The following CSMD1 variants were observed in gnomAD, a reference collection of about 807,000 sequenced individuals.
CSMD1 encodes the protein CUB and Sushi multiple domains 1, also known as CUB and sushi domain-containing protein 1.
CSMD1 carries 213 observed loss-of-function variants against 417.5 expected under a neutral mutation model. The ratio of observed to expected loss-of-function variants is 0.51; its 90% CI spans 0.46 to 0.57. CSMD1 has a LOEUF of 0.57. CSMD1 is among the 20% of genes least tolerant of loss of function. CSMD1 has a pLI of 0.00. For missense variants in CSMD1, 6,923 were observed against 4,529.7 expected (o/e 1.53, Z -15.17); for synonymous variants, 2,862 against 1,736.8 (o/e 1.65, Z -16.11).
chr8:4,265,726 C>T (rs1185709407), intron 3 of CSMD1, among the ~76,000 whole-genome samples: 2 of 104,504 alleles, frequency 1.9e-5, no homozygotes, highest in African/African-American at 5.2e-5. Flanking sequence ...ACAGTTAATG[C>T]AACATAAAAT....
intron 1 of CSMD1, among the ~76,000 whole-genome samples, chr8:4,895,745 T>C (rs1296499137): frequency 6.6e-6 from 1 of 151,946 alleles, no homozygotes; most frequent in Admixed American, 6.6e-5. Context: ...ATTTTTCTAG[T>C]AATTAACCAA....
intron 3 of CSMD1, among the ~76,000 whole-genome samples, chr8:4,288,483 G>A (rs182393154): frequency 2.6e-4 from 39 of 152,276 alleles, no homozygotes; most frequent in Admixed American, 2.2e-3. Context: ...ATGAGGCTAT[G>A]GGTAATCCCA....
At chr8:4,535,142 C>T (rs1317002356) in intron 2 of CSMD1, among the ~76,000 whole-genome samples, 1 of 152,166 alleles carries the variant, frequency 6.6e-6, no homozygotes, top group Non-Finnish European at 1.5e-5. Context: ...CCATATATAA[C>T]AACTTTGAAA....
At chr8:3,128,502 T>G (rs1817628168) in intron 41 of CSMD1, 1 of 225,516 alleles carries the variant, frequency 4.4e-6, no homozygotes, top group South Asian at 6.0e-5. Flanking sequence ...TCTGTATGAT[T>G]TATGCATCTT....
intron 3 of CSMD1, among the ~76,000 whole-genome samples, chr8:4,403,540 G>C (rs1462929626): frequency 6.6e-6 from 1 of 151,986 alleles, no homozygotes; most frequent in African/African-American, 2.4e-5. Context: ...CATTCGCCAG[G>C]GCTGATCACC....
At chr8:4,074,161 C>A (rs1424765307) in intron 3 of CSMD1, among the ~76,000 whole-genome samples, 1 of 151,946 alleles carries the variant, frequency 6.6e-6, no homozygotes, top group Non-Finnish European at 1.5e-5. Context: ...ACATATAATG[C>A]ATAACTTGTA....
At chr8:3,702,778 G>C (rs1800941978) in intron 7 of CSMD1, among the ~76,000 whole-genome samples, 2 of 152,174 alleles carry the variant, frequency 1.3e-5, no homozygotes, top group Non-Finnish European at 1.5e-5. Flanking sequence ...GTTGCAGTTA[G>C]CTGAGATCGC....
At chr8:3,675,089 C>T (rs997210830) in intron 7 of CSMD1, among the ~76,000 whole-genome samples, 1 of 152,180 alleles carries the variant, frequency 6.6e-6, no homozygotes, top group Admixed American at 6.5e-5. Flanking sequence ...GACCATAAAA[C>T]GCCATCTTGA....
intron 8 of CSMD1, among the ~76,000 whole-genome samples, chr8:3,603,418 T>A (rs972099983): frequency 2.0e-5 from 3 of 152,166 alleles, no homozygotes; most frequent in African/African-American, 7.2e-5. Flanking sequence ...GCTTGCGAGC[T>A]AAAGCCTCCT....
intron 1 of CSMD1, among the ~76,000 whole-genome samples, chr8:4,891,676 C>A (rs2117003093): frequency 6.6e-6 from 1 of 152,102 alleles, no homozygotes; most frequent in South Asian, 2.1e-4. Flanking sequence ...ATGTATTTAT[C>A]CTAAGGGCTT....
rs190001357 is a variant in CSMD1, at chr8:4,448,426, T to C, written c.303-28361A>G. Among the ~76,000 whole-genome samples the C allele has an allele frequency of 2.6e-3, 398 of 152,310 alleles. 1 individual carries two copies. Among genetic ancestry groups the C allele is most frequent in the African/African-American group, 9.0e-3 (376 of 41,586 alleles). On this transcript the variant is annotated intron_variant, in intron 2 of 69. Transcript: ENST00000635120. ...GTAACCCTGTGTGCCCTGATGCAGA[T>C]TGGAAGACATTTTCACTGTGGAGCT...
At chr8:3,368,057 T>C (rs1386691715) in intron 19 of CSMD1, among the ~76,000 whole-genome samples, 1 of 152,210 alleles carries the variant, frequency 6.6e-6, no homozygotes, top group Non-Finnish European at 1.5e-5. Flanking sequence ...GGCTTATTTC[T>C]GGATTCCTAT....
chr8:4,484,343 G>A (rs1172402047), intron 2 of CSMD1, among the ~76,000 whole-genome samples: 1 of 151,988 alleles, frequency 6.6e-6, no homozygotes. Context: ...TTTTAACATT[G>A]AGAGAAAGAG....
intron 3 of CSMD1, among the ~76,000 whole-genome samples, chr8:4,363,700 T>C (rs191268473): frequency 3.4e-4 from 52 of 152,310 alleles, no homozygotes; most frequent in Non-Finnish European, 2.2e-4. Context: ...GTTATTTCAC[T>C]TAACAAAGTG....
chr8:3,926,952 G>A (rs903269482), intron 5 of CSMD1, among the ~76,000 whole-genome samples: 2 of 151,800 alleles, frequency 1.3e-5, no homozygotes, highest in African/African-American at 4.8e-5. Flanking sequence ...CTGACATCGT[G>A]ATCCACCCAC....
rs565341939 is a variant in CSMD1, at chr8:3,407,771, A to G, written c.2071+128T>C. The G allele has an allele frequency of 8.4e-6, 7 of 828,614 alleles. No homozygotes were observed. In the African/African-American group the frequency reaches 1.0e-4, roughly 12 times the overall value. 51.3% of individuals were successfully genotyped at this position (828,614 alleles called of 1,614,324 possible). A position where few individuals can be genotyped will look rare whatever the true frequency, so the allele number is the denominator to read the frequency against. The stretch of plus-strand genomic sequence containing the variant: ...ATAACACTATAATTTTACTACTGTC[A>G]TTTTCATAATGATTATAAAACCTCT... On this transcript the variant is annotated intron_variant, in intron 14 of 69. Coordinates refer to ENST00000635120, the MANE Select transcript of CSMD1 (RefSeq NM_033225.6).
chr8:4,678,413 C>T (rs1327081366), intron 1 of CSMD1, among the ~76,000 whole-genome samples: 1 of 149,112 alleles, frequency 6.7e-6, no homozygotes, highest in African/African-American at 2.5e-5. Context: ...TCTGTCTCAA[C>T]AACAAAAAAA....
chr8:4,307,262 G>C (rs1798299027), intron 3 of CSMD1, among the ~76,000 whole-genome samples: 1 of 152,024 alleles, frequency 6.6e-6, no homozygotes, highest in African/African-American at 2.4e-5. Flanking sequence ...ATCATGCACA[G>C]AGGGCTGTTG....
At chr8:4,623,880 TTTTGTGG>T (rs1801932640) in intron 2 of CSMD1, among the ~76,000 whole-genome samples, 1 of 151,962 alleles carries the variant, frequency 6.6e-6, no homozygotes, top group African/African-American at 2.4e-5. Flanking sequence ...ACAAGAAAAG[TTTTGTGG>T]GTGATAGAAA....
Sources: allele counts gnomAD v4.1 joint callset (sites outside exome capture counted in the v4.1 genomes callset), GRCh38; gene constraint gnomAD v4.1.1; transcripts MANE v1.5; gene names NCBI Gene and HGNC (gene_info 2026-07-23, HGNC 2026-07-21).